Variants in B4GALNT3 observed in about 807,000 individuals in gnomAD.
The protein encoded by B4GALNT3 is beta-1,4-N-acetyl-galactosaminyltransferase 3.
In B4GALNT3, 86 loss-of-function variants were observed where a neutral mutation model predicts 120.2. The observed-to-expected ratio is 0.72, with a 90% confidence interval of 0.60 to 0.86. B4GALNT3 has a LOEUF of 0.86. B4GALNT3 is among the 40% of genes least tolerant of loss of function. The pLI, the probability that B4GALNT3 is intolerant of heterozygous loss-of-function variation, is 0.00. For missense variants in B4GALNT3, 1,167 were observed against 1,298.9 expected (o/e 0.90, Z 1.56); for synonymous variants, 518 against 510.4 (o/e 1.01, Z -0.20).
intron 1 of B4GALNT3, among the ~76,000 whole-genome samples, chr12:496,379 C>T (rs893655752): frequency 7.2e-5 from 11 of 152,064 alleles, no homozygotes; most frequent in African/African-American, 2.2e-4. Context: ...GTGGGCAGAT[C>T]ACTTGAGGTC....
rs751059231 is a variant in B4GALNT3 at position 550,909 on chromosome 12, C to G, written c.998-13C>G. Reference sequence around the variant, plus strand: ...CACCCTCACCCTCACTCCTCCTCCTCCACTGTCCTCAGTGCCTCTGATCCC... The same window carrying G: ...CACCCTCACCCTCACTCCTCCTCCTGCACTGTCCTCAGTGCCTCTGATCCC... On this transcript the variant is annotated splice_polypyrimidine_tract_variant and intron_variant, in intron 10 of 19. Transcript: ENST00000266383. The surrounding 1 kb of genome is among the most constrained non-coding windows in gnomAD (Gnocchi z 4.1). 6.3e-7 allele frequency: 1 copy of G among 1,596,024 alleles called. No individual in the cohort carries two copies. Among genetic ancestry groups the G allele is most frequent in the Admixed American group, 1.7e-5 (1 of 59,958 alleles).
At chr12:493,147 G>A (rs143664365) in intron 1 of B4GALNT3, among the ~76,000 whole-genome samples, 2 of 152,254 alleles carry the variant, frequency 1.3e-5, no homozygotes, top group East Asian at 3.9e-4. Flanking sequence ...AAAAGAACAA[G>A]AAGACAGTCT....
chr12:491,246 T>C (rs956805001), intron 1 of B4GALNT3, among the ~76,000 whole-genome samples: 10 of 151,374 alleles, frequency 6.6e-5, no homozygotes, highest in African/African-American at 2.4e-4. Context: ...ATTAATCACA[T>C]AGGCAAAAAA....
At chr12:552,802 G>C (rs1947100685) in intron 13 of B4GALNT3, 3 of 530,530 alleles carry the variant, frequency 5.7e-6, no homozygotes, top group Non-Finnish European at 6.7e-6. Flanking sequence ...TGCTGGAGGG[G>C]CTTGCTGTCC....
Position 549,750 on chromosome 12 carries a change from C to A in B4GALNT3, c.854-19C>A, listed in dbSNP as rs772111029. On this transcript the variant is annotated intron_variant, in intron 9 of 19. Transcript: ENST00000266383. ...TCCAGGCCACACAGCCTCCTGCTTT[C>A]TTTCCTCCCTGCGCCCAGATGAGAC... 5.6e-6 allele frequency: 9 copies of A among 1,613,616 alleles called. No individual in the cohort carries two copies. In the South Asian group the frequency reaches 9.9e-5, roughly 18 times the overall value.
chr12:467,441 C>A (rs1946092763), intron 1 of B4GALNT3, among the ~76,000 whole-genome samples: 1 of 152,134 alleles, frequency 6.6e-6, no homozygotes, highest in African/African-American at 2.4e-5. Context: ...TGCCTGTAGT[C>A]CCAGCTACTC....
At chr12:514,800 G>A (rs533441411) in intron 1 of B4GALNT3, among the ~76,000 whole-genome samples, 5 of 152,046 alleles carry the variant, frequency 3.3e-5, no homozygotes, top group Admixed American at 6.5e-5. Context: ...AGGCCAAGGC[G>A]GGCAGATCAC....
At chr12:481,217 A>G (rs1946239167) in intron 1 of B4GALNT3, among the ~76,000 whole-genome samples, 1 of 152,200 alleles carries the variant, frequency 6.6e-6, no homozygotes, top group African/African-American at 2.4e-5. Flanking sequence ...GCTTCCTCCC[A>G]GGGTCACTGG....
In B4GALNT3 at chr12:500,865, C is replaced by CTTTTTTTTTTTTTTTTTTT. The variant is rs55927726; in HGVS notation, c.170-34299_170-34281dup. Reference sequence around the variant, plus strand: ...CTGAATTTGAATCCTGGCTCCACTGCTTTTTTTTTTTTTTTTTTTTGACAC... The same window carrying CTTTTTTTTTTTTTTTTTTT: ...CTGAATTTGAATCCTGGCTCCACTGCTTTTTTTTTTTTTTTTTTTTTTTTTTTTTTTTTTTTTTTGACAC... On this transcript the variant is annotated intron_variant, in intron 1 of 19. Transcript: ENST00000266383. Among the ~76,000 whole-genome samples the CTTTTTTTTTTTTTTTTTTT allele has an allele frequency of 1.4e-3, 85 of 61,806 alleles. 28 individuals carry two copies. The highest frequency in any genetic ancestry group is 5.2e-3 in the African/African-American group (70 of 13,338). The allele number at this position is 61,806 out of a possible 152,430, so 40.5% of individuals were successfully genotyped here.
rs182176424 is a variant in B4GALNT3 at position 561,620 on chromosome 12, G to A, written c.*169G>A. On this transcript the variant is annotated 3_prime_UTR_variant, in exon 20 of 20. Transcript: ENST00000266383. ...CTGTCCCCTCACAGAGGCAGGTTCC[G>A]GGGCTCCTGTCTCTGCCTCCTGGGC... 302 of 596,138 alleles carry A rather than the reference G, an allele frequency of 5.1e-4. No individual in the cohort carries two copies. In the East Asian group the frequency reaches 5.1e-3, roughly 10 times the overall value. The allele number at this position is 596,138 out of a possible 1,614,324, so 36.9% of individuals were successfully genotyped here.
intron 1 of B4GALNT3, among the ~76,000 whole-genome samples, chr12:521,938 G>A (rs1249514512): frequency 1.3e-5 from 2 of 151,708 alleles, no homozygotes; most frequent in East Asian, 3.9e-4. Flanking sequence ...TGTCCCTGGG[G>A]AGAGCCCTAC....
At position 552,292 on chromosome 12, in the gene B4GALNT3, T is replaced by TACACACACACACACAC. The variant is rs10604398; in HGVS notation, c.1209-146_1209-131dup. On this transcript the variant is annotated intron_variant, in intron 12 of 19. Coordinates refer to ENST00000266383, the MANE Select transcript of B4GALNT3 (RefSeq NM_173593.4). ...CTTTGCTCTTGCTCTTCCTGAGTAC[T>TACACACACACACACAC]ACACACACACACACACACACACACA... The TACACACACACACACAC allele has an allele frequency of 7.7e-4, 480 of 627,064 alleles. 2 individuals are homozygous for TACACACACACACACAC. The highest frequency in any genetic ancestry group is 6.8e-3 in the African/African-American group (344 of 50,536). 38.8% of individuals were successfully genotyped at this position (627,064 alleles called of 1,614,324 possible).
rs368529801 is a variant in B4GALNT3, at chr12:549,930, G to T, written c.997+18G>T. The T allele has an allele frequency of 6.3e-7, 1 of 1,596,716 alleles. No homozygotes were observed. Among genetic ancestry groups the T allele is most frequent in the African/African-American group, 1.3e-5 (1 of 74,544 alleles). On this transcript the variant is annotated intron_variant, in intron 10 of 19. Coordinates refer to ENST00000266383, the MANE Select transcript of B4GALNT3 (RefSeq NM_173593.4). ...CTATCGAGGTAAGGCCTCGGCCAGC[G>T]CTTGGCGTCCTTTCTGGGGACACTG... is the stretch of plus-strand genomic sequence containing the variant.
chr12:555,720 A>G (rs893058126), intron 14 of B4GALNT3, among the ~76,000 whole-genome samples: 1 of 151,820 alleles, frequency 6.6e-6, no homozygotes, highest in Non-Finnish European at 1.5e-5. Flanking sequence ...GAAGATTCCA[A>G]TTTTTCTACA....
At chr12:549,398 A>G (rs1290028134) in intron 9 of B4GALNT3, among the ~76,000 whole-genome samples, 2 of 152,268 alleles carry the variant, frequency 1.3e-5, no homozygotes, top group Non-Finnish European at 2.9e-5. Context: ...AGAAGGGTTC[A>G]TATTTGGGAT....
At chr12:498,960 A>G (rs775112669) in intron 1 of B4GALNT3, among the ~76,000 whole-genome samples, 7 of 152,218 alleles carry the variant, frequency 4.6e-5, no homozygotes, top group Non-Finnish European at 4.4e-5. Flanking sequence ...GAATTGGGAA[A>G]TCCAATGATG....
intron 14 of B4GALNT3, among the ~76,000 whole-genome samples, chr12:554,789 CAAAAAAAAAAAA>C (rs57194028): frequency 1.5e-4 from 5 of 33,016 alleles, no homozygotes; most frequent in South Asian, 1.5e-3. Flanking sequence ...GACTCCGTCT[CAAAAAAAAAAAA>C]AAAAAAAAAA....
At position 460,357 on chromosome 12, in the gene B4GALNT3, G is replaced by A. The variant is rs1366056330; in HGVS notation, c.-20G>A. On this transcript the variant is annotated 5_prime_UTR_variant, in exon 1 of 20. Coordinates refer to ENST00000266383, the MANE Select transcript of B4GALNT3 (RefSeq NM_173593.4). The surrounding 1 kb of genome is among the most constrained non-coding windows in gnomAD (Gnocchi z 8.0). ...GGGGGTTGGAGCCCGCGCTGGCGGC[G>A]GCCGCCTCGGCGCAGCGCCATGGGG... 3.3e-5 allele frequency: 38 copies of A among 1,141,422 alleles called. No homozygotes were observed. The highest frequency in any genetic ancestry group is 3.9e-5 in the Non-Finnish European group (36 of 931,072). The allele number at this position is 1,141,422 out of a possible 1,614,324, so 70.7% of individuals were successfully genotyped here.
At chr12:482,588 G>A (rs1051751485) in intron 1 of B4GALNT3, among the ~76,000 whole-genome samples, 2 of 152,202 alleles carry the variant, frequency 1.3e-5, no homozygotes, top group Non-Finnish European at 2.9e-5. Context: ...GGATTCGTCT[G>A]TATTTGGTAA....
Sources: gnomAD v4.1 joint callset for allele counts (sites outside exome capture counted in the v4.1 genomes callset) on GRCh38, gnomAD v4.1.1 for gene constraint, Gnocchi (gnomAD v3.1) non-coding constraint, MANE v1.5 for transcripts, NCBI Gene and HGNC (gene_info 2026-07-23, HGNC 2026-07-21) for gene names.